Variants in SDK1 observed in about 807,000 individuals in gnomAD.
The protein encoded by SDK1 is protein sidekick-1.
SDK1 carries 157 observed loss-of-function variants against 245.5 expected under a neutral mutation model. That is an observed-to-expected ratio of 0.64 (90% CI 0.56 to 0.73). SDK1 has a LOEUF of 0.73. Among genes scored for constraint, SDK1 ranks in the 30% least tolerant of loss-of-function variants. The probability of loss-of-function intolerance (pLI) is 0.00; values close to 1 mark genes in which losing one functional copy is unlikely to be tolerated. For missense variants in SDK1, 3,583 were observed against 3,002.3 expected, an observed-to-expected ratio of 1.19 and a Z score of -4.52; for synonymous variants, 1,647 against 1,278.5, an observed-to-expected ratio of 1.29 and a Z score of -6.15.
At chr7:3,654,798 G>T (rs1783112161) in intron 4 of SDK1, among the ~76,000 whole-genome samples, 1 of 152,080 alleles carries the variant, frequency 6.6e-6, no homozygotes, top group Admixed American at 6.5e-5. Context: ...AATGACAGGA[G>T]TTTAATATTC....
At chr7:4,064,312 A>G (rs1446921918) in intron 19 of SDK1, among the ~76,000 whole-genome samples, 1 of 152,196 alleles carries the variant, frequency 6.6e-6, no homozygotes, top group Non-Finnish European at 1.5e-5. Context: ...CAACGTGTCT[A>G]TGAAAAAATG....
At chr7:3,714,324 T>C (rs1785137626) in intron 4 of SDK1, among the ~76,000 whole-genome samples, 1 of 152,218 alleles carries the variant, frequency 6.6e-6, no homozygotes, top group Non-Finnish European at 1.5e-5. Context: ...TCATTACTAT[T>C]CTTAGAATTA....
At chr7:4,024,831 T>C (rs541427918) in intron 17 of SDK1, among the ~76,000 whole-genome samples, 1 of 152,202 alleles carries the variant, frequency 6.6e-6, no homozygotes, top group Non-Finnish European at 1.5e-5. Context: ...TTTTTGTTTT[T>C]GTTTTTGTTT....
chr7:3,756,090 C>T (rs978315867), intron 4 of SDK1, among the ~76,000 whole-genome samples: 1 of 148,890 alleles, frequency 6.7e-6, no homozygotes, highest in African/African-American at 2.5e-5. Flanking sequence ...TGGCATAGCA[C>T]ATGTGACACA....
intron 20 of SDK1, among the ~76,000 whole-genome samples, chr7:4,076,665 A>T (rs1227445663): frequency 1.3e-5 from 2 of 152,218 alleles, no homozygotes; most frequent in Non-Finnish European, 2.9e-5. Context: ...GCAGGCTGGC[A>T]GCTGTCGTCA....
At chr7:3,910,161 C>G (rs1301637697) in intron 5 of SDK1, among the ~76,000 whole-genome samples, 1 of 152,182 alleles carries the variant, frequency 6.6e-6, no homozygotes, top group African/African-American at 2.4e-5. Flanking sequence ...GCATTATTTT[C>G]CCCTGGAATG....
intron 4 of SDK1, among the ~76,000 whole-genome samples, chr7:3,687,796 G>C (rs1784334078): frequency 1.3e-5 from 2 of 152,130 alleles, no homozygotes; most frequent in Admixed American, 1.3e-4. Context: ...GAAACGCTGT[G>C]TGTCTTGACT....
intron 1 of SDK1, among the ~76,000 whole-genome samples, chr7:3,599,218 G>A (rs999430473): frequency 1.4e-5 from 2 of 147,790 alleles, no homozygotes; most frequent in African/African-American, 5.0e-5. Context: ...TTCTCTAATC[G>A]TTAATGATAT....
Position 3,962,842 on chromosome 7 carries a change from G to A in SDK1, c.1420G>A (p.Asp474Asn). Residue 474 changes from aspartate (D) to asparagine (N), a missense_variant, in exon 9 of 45, where the codon GAT (aspartate) becomes AAT (asparagine). Physicochemically the swap from Asp to Asn is conservative, Grantham distance 23 (BLOSUM62 1). Transcript: ENST00000404826. The part of the protein sequence containing the change: ...GGEIQTHTYL[D>N]VTNIAPVFTQ... ...GGAGATCCAGACCCACACCTACCTG[G>A]ATGTAACCAGTGAGTACACCCAGGC... is the stretch of plus-strand genomic sequence containing the variant. 1 of 1,611,722 alleles carries A rather than the reference G, an allele frequency of 6.2e-7. No homozygotes were observed.
At chr7:3,499,947 C>A (rs951063125) in intron 1 of SDK1, among the ~76,000 whole-genome samples, 2 of 152,126 alleles carry the variant, frequency 1.3e-5, no homozygotes, top group Admixed American at 6.5e-5. Flanking sequence ...ATGTCCTCAG[C>A]TGATAGTGAC....
intron 1 of SDK1, among the ~76,000 whole-genome samples, chr7:3,350,023 C>T (rs1780616164): frequency 6.6e-6 from 1 of 152,180 alleles, no homozygotes; most frequent in Non-Finnish European, 1.5e-5. Context: ...GACTTTGTGC[C>T]TCTCACATTT....
intron 1 of SDK1, among the ~76,000 whole-genome samples, chr7:3,392,885 G>A (rs778461425): frequency 1.3e-5 from 2 of 150,342 alleles, no homozygotes; most frequent in Non-Finnish European, 3.0e-5. Flanking sequence ...TTGGGTTGTT[G>A]CCTCCTTTTG....
chr7:4,088,709 A>C (rs1781586320), intron 22 of SDK1, among the ~76,000 whole-genome samples: 1 of 152,076 alleles, frequency 6.6e-6, no homozygotes, highest in Non-Finnish European at 1.5e-5. Flanking sequence ...GACAGAAGCA[A>C]TTTGGTCTTG....
intron 1 of SDK1, among the ~76,000 whole-genome samples, chr7:3,499,972 G>T (rs1782146682): frequency 2.6e-5 from 4 of 152,182 alleles, no homozygotes; most frequent in Admixed American, 2.6e-4. Context: ...AGGCAGGGCT[G>T]GGAATTGACG....
At chr7:3,781,606 G>T (rs765945863) in intron 4 of SDK1, among the ~76,000 whole-genome samples, 1 of 152,036 alleles carries the variant, frequency 6.6e-6, no homozygotes, top group Non-Finnish European at 1.5e-5. Context: ...TGTTGACAAA[G>T]AATTCAGAAT....
At chr7:3,915,150 T>C (rs1484517275) in intron 5 of SDK1, among the ~76,000 whole-genome samples, 1 of 152,192 alleles carries the variant, frequency 6.6e-6, no homozygotes. Flanking sequence ...AGGGTCTACA[T>C]GCAAATGACG....
chr7:4,056,826 C>T (rs540318814), intron 19 of SDK1, among the ~76,000 whole-genome samples: 18 of 151,942 alleles, frequency 1.2e-4, no homozygotes, highest in African/African-American at 4.1e-4. Context: ...CAGACCATTC[C>T]GCCCCGGGTC....
chr7:3,459,945 G>C (rs1339439619), intron 1 of SDK1, among the ~76,000 whole-genome samples: 1 of 152,246 alleles, frequency 6.6e-6, no homozygotes, highest in Admixed American at 6.5e-5. Context: ...TAAGAAACTT[G>C]CCTGCCTCTT....
intron 35 of SDK1, among the ~76,000 whole-genome samples, chr7:4,204,852 A>G (rs1784105467): frequency 6.6e-6 from 1 of 151,954 alleles, no homozygotes; most frequent in Non-Finnish European, 1.5e-5. Context: ...CCGTCAAGAG[A>G]AAGTGCGCAG....
Sources: gnomAD v4.1 joint callset for allele counts (sites outside exome capture counted in the v4.1 genomes callset) on GRCh38, gnomAD v4.1.1 for gene constraint, MANE v1.5 for transcripts, NCBI Gene and HGNC (gene_info 2026-07-23, HGNC 2026-07-21) for gene names.